EIF5: variants seen among roughly 807,000 people sequenced by gnomAD.
EIF5 encodes the protein eukaryotic translation initiation factor 5.
In EIF5, 10 loss-of-function variants were observed where a neutral mutation model predicts 48.3. The observed-to-expected ratio is 0.21, with a 90% CI of 0.13 to 0.35. The LOEUF is 0.35. Among genes scored for constraint, EIF5 ranks in the 10% least tolerant of loss-of-function variants. EIF5 has a pLI of 1.00. For missense variants in EIF5, 397 were observed against 533.2 expected, an observed-to-expected ratio of 0.74 and a Z score of 2.51; for synonymous variants, 237 against 173.1, an observed-to-expected ratio of 1.37 and a Z score of -2.90.
rs2089317246 is a variant in EIF5 at position 103,338,579 on chromosome 14, C to CT, written c.585+108dup. On this transcript the variant is annotated intron_variant, in intron 7 of 11. Coordinates refer to ENST00000216554, the MANE Select transcript of EIF5 (RefSeq NM_001969.5). The stretch of plus-strand genomic sequence containing the variant: ...AAACTAGCCTTCAGTGTGTAATACA[C>CT]TAATATTGTGGATTCCAAGTACTGT... 5 of 1,492,482 alleles carry CT rather than the reference C, an allele frequency of 3.4e-6. No individual in the cohort carries two copies. The East Asian group carries it at 1.2e-4, about 37-fold the overall frequency. The allele number at this position is 1,492,482 out of a possible 1,614,324, so 92.5% of individuals were successfully genotyped here.
In EIF5 at chr14:103,339,813, A is replaced by T. The variant is rs2089331722; in HGVS notation, c.1071+10A>T. 2.5e-6 allele frequency: 4 copies of T among 1,612,258 alleles called. No homozygotes were observed. The highest frequency in any genetic ancestry group is 1.3e-5 in the African/African-American group (1 of 74,844). ...CAGCTGGTCGGAAAAGGTGGGGAAT[A>T]CATAGGTGGGCTCTTAAAGTTCACA... On this transcript the variant is annotated intron_variant, in intron 10 of 11. Coordinates refer to ENST00000216554, the MANE Select transcript of EIF5 (RefSeq NM_001969.5).
At position 103,339,156 on chromosome 14, in the gene EIF5, T is replaced by C. The variant is rs753567533; in HGVS notation, c.745-16T>C. On this transcript the variant is annotated splice_polypyrimidine_tract_variant and intron_variant, in intron 8 of 11. Transcript: ENST00000216554. ...TGTGCCTCCATTGCACTGAATTGTT[T>C]TCCTTTTCTTTGCAGAAAAAGAAAG... 1.9e-6 allele frequency: 3 copies of C among 1,600,000 alleles called. No individual in the cohort carries two copies. Among genetic ancestry groups the C allele is most frequent in the South Asian group, 2.3e-5 (2 of 88,282 alleles).
rs981966549 is a variant in EIF5 at position 103,342,614 on chromosome 14, T to C, written c.*1562T>C. On this transcript the variant is annotated 3_prime_UTR_variant, in exon 12 of 12. Transcript: ENST00000216554. ...TTCACATTGAAATGATAGAAACATT[T>C]GATGTAATAAAACTTGGTTGGCTTG... 6.6e-6 allele frequency: 1 copy of C among 152,544 alleles called. No homozygotes were observed. Among genetic ancestry groups the C allele is most frequent in the African/African-American group, 2.4e-5 (1 of 41,450 alleles). 9.4% of individuals were successfully genotyped at this position (152,544 alleles called of 1,614,324 possible). A position where few individuals can be genotyped will look rare whatever the true frequency, so the allele number is the denominator to read the frequency against.
At chr14:103,337,271 C>G (rs552740327) in intron 6 of EIF5, 44 bp downstream of exon 6, 2 of 1,509,824 alleles carry the variant, frequency 1.3e-6, no homozygotes, top group African/African-American at 1.4e-5. Context: ...AGATAAGTTA[C>G]TAACTGTTGG....
At chr14:103,340,640 T>G in intron 11 of EIF5, 79 bp downstream of exon 11, 1 of 1,518,744 alleles carries the variant, frequency 6.6e-7, no homozygotes, top group Non-Finnish European at 8.9e-7. Flanking sequence ...TGAGGAGTGA[T>G]ATAATGGCAG....
chr14:103,337,269 TACTA>T (rs1245660391), intron 6 of EIF5, 42 bp downstream of exon 6: 4 of 1,514,992 alleles, frequency 2.6e-6, no homozygotes, highest in Non-Finnish European at 3.6e-6. Flanking sequence ...TAAGATAAGT[TACTA>T]ACTGTTGGGA....
chr14:103,339,160 TTTTC>T lies in EIF5; in HGVS notation c.745-8_745-5del, dbSNP rs1472673686. 1 of 1,600,636 alleles carries T rather than the reference TTTTC, an allele frequency of 6.2e-7. No homozygotes were observed. Among genetic ancestry groups the T allele is most frequent in the African/African-American group, 1.4e-5 (1 of 73,766 alleles). On this transcript the variant is annotated splice_region_variant and splice_polypyrimidine_tract_variant and intron_variant, in intron 8 of 11. Coordinates refer to ENST00000216554, the MANE Select transcript of EIF5 (RefSeq NM_001969.5). ...CCTCCATTGCACTGAATTGTTTTCC[TTTTC>T]TTTGCAGAAAAAGAAAGAAGAGGGT... is the stretch of plus-strand genomic sequence containing the variant.
At chr14:103,337,322 A>G (rs373572894) in intron 6 of EIF5, 95 bp downstream of exon 6, 189 of 1,079,074 alleles carry the variant, frequency 1.8e-4, no homozygotes, top group Middle Eastern at 8.3e-4. Flanking sequence ...AATGTAAGGG[A>G]GACTGGGCAC....
chr14:103,340,538 G>A lies in EIF5; in HGVS notation c.1183G>A (p.Glu395Lys). 1 of 1,612,664 alleles carries A rather than the reference G, an allele frequency of 6.2e-7. No individual in the cohort carries two copies. Among genetic ancestry groups the A allele is most frequent in the Non-Finnish European group, 8.5e-7 (1 of 1,178,688 alleles). ...AEEESSGGEE[E>K]DEDENIEVVY... is the part of the protein sequence containing the mutation. ...GGAAGAATCTTCTGGTGGCGAAGAA[G>A]AAGATGAAGATGAGAACATTGAGGT... Residue 395 changes from glutamate to lysine, a missense_variant, in exon 11 of 12, where the codon GAA (glutamate) becomes AAA (lysine). Around this residue, in one of 4 missense-constraint regions of EIF5, gnomAD observed 160 missense variants for 184.8 expected, o/e 0.87. Transcript: ENST00000216554.
intron 11 of EIF5, 122 bp from the exon 12 acceptor site, chr14:103,340,841 G>C (rs967673611): frequency 7.7e-6 from 8 of 1,035,790 alleles, no homozygotes; most frequent in Non-Finnish European, 1.2e-5. Flanking sequence ...TAACAGAGCT[G>C]TTCCGTGAAG....
At chr14:103,340,864 C>A in intron 11 of EIF5, 99 bp from the exon 12 acceptor site, 1 of 1,178,310 alleles carries the variant, frequency 8.5e-7, no homozygotes, top group Non-Finnish European at 1.2e-6. Flanking sequence ...GAAATAGCTG[C>A]ATCTAGGCAG....
At position 103,343,243 on chromosome 14, in the gene EIF5, C is replaced by T. The variant is rs1486853262; in HGVS notation, c.*2191C>T. 6.6e-6 allele frequency: 1 copy of T among 152,186 alleles called. No homozygotes were observed. Among genetic ancestry groups the T allele is most frequent in the African/African-American group, 2.4e-5 (1 of 41,388 alleles). 9.4% of individuals were successfully genotyped at this position (152,186 alleles called of 1,614,324 possible). Reference sequence around the variant, plus strand: ...ATGAGATCAAAGCATTGGAATCTGCCCTGTTTTGTAGCCGTTGCTTTGGAT... The same window carrying T: ...ATGAGATCAAAGCATTGGAATCTGCTCTGTTTTGTAGCCGTTGCTTTGGAT... On this transcript the variant is annotated 3_prime_UTR_variant, in exon 12 of 12. Coordinates refer to ENST00000216554, the MANE Select transcript of EIF5 (RefSeq NM_001969.5).
At chr14:103,337,057 T>A in intron 5 of EIF5, 59 bp from the exon 6 acceptor site, 1 of 1,488,440 alleles carries the variant, frequency 6.7e-7, no homozygotes, top group Non-Finnish European at 9.1e-7. Flanking sequence ...GGTTTAGATG[T>A]CCTCTGATTA....
intron 10 of EIF5, 97 bp downstream of exon 10, chr14:103,339,900 CCAGGCAGGAGTA>C: frequency 7.3e-7 from 1 of 1,378,930 alleles, no homozygotes; most frequent in Non-Finnish European, 9.7e-7. Context: ...ATTCTGTTGT[CCAGGCAGGAGTA>C]CAGTGGTATG....
At chr14:103,338,638 A>T (rs1441679871) in intron 7 of EIF5, 97 bp from the exon 8 acceptor site, 1 of 1,534,844 alleles carries the variant, frequency 6.5e-7, no homozygotes, top group African/African-American at 1.4e-5. Flanking sequence ...CCAATTTTGG[A>T]TGGAGATGGA....
chr14:103,336,496 G>A (rs2089288031), intron 4 of EIF5, 181 bp from the exon 5 acceptor site: 14 of 636,158 alleles, frequency 2.2e-5, no homozygotes, highest in Admixed American at 1.0e-4. Context: ...GGGGAGAATC[G>A]CTTGAACCCC....
rs2140361999 is a variant in EIF5, at chr14:103,339,809, G to A, written c.1071+6G>A. 6.2e-7 allele frequency: 1 copy of A among 1,613,352 alleles called. No homozygotes were observed. On this transcript the variant is annotated splice_donor_region_variant and intron_variant, in intron 10 of 11. Transcript: ENST00000216554. ...TCATCAGCTGGTCGGAAAAGGTGGG[G>A]AATACATAGGTGGGCTCTTAAAGTT...
At chr14:103,340,888 G>A (rs1213361351) in intron 11 of EIF5, 75 bp from the exon 12 acceptor site, 7 of 1,480,794 alleles carry the variant, frequency 4.7e-6, no homozygotes, top group Non-Finnish European at 6.6e-6. Context: ...CCTCCTCTGT[G>A]ACCACAATTT....
Position 103,339,815 on chromosome 14 carries a change from A to T in EIF5, c.1071+12A>T. 2 of 1,611,102 alleles carry T rather than the reference A, an allele frequency of 1.2e-6. No homozygotes were observed. The highest frequency in any genetic ancestry group is 1.7e-6 in the Non-Finnish European group (2 of 1,178,594). ...GCTGGTCGGAAAAGGTGGGGAATAC[A>T]TAGGTGGGCTCTTAAAGTTCACAGG... is the stretch of plus-strand genomic sequence containing the variant. On this transcript the variant is annotated intron_variant, in intron 10 of 11. Transcript: ENST00000216554.
Sources: allele counts gnomAD v4.1 joint callset, GRCh38; gene constraint gnomAD v4.1.1; regional missense constraint gnomAD v4.1.1; transcripts MANE v1.5; gene names NCBI Gene and HGNC (gene_info 2026-07-23, HGNC 2026-07-21).